The following TOP1 variants were observed in gnomAD, a reference collection of about 807,000 sequenced individuals.
TOP1 encodes the protein DNA topoisomerase 1.
In TOP1, 10 loss-of-function variants were observed where a neutral mutation model predicts 111.1. The ratio of observed to expected loss-of-function variants is 0.09; its 90% CI spans 0.06 to 0.15. The LOEUF (loss-of-function observed/expected upper bound fraction) is 0.15. Among genes scored for constraint, TOP1 ranks in the 10% least tolerant of loss-of-function variants. TOP1 has a pLI of 1.00. For missense variants in TOP1, 474 were observed against 926.7 expected, an observed-to-expected ratio of 0.51 and a Z score of 6.34; for synonymous variants, 271 against 302.9, an observed-to-expected ratio of 0.89 and a Z score of 1.10.
intron 8 of TOP1, among the ~76,000 whole-genome samples, chr20:41,088,464 C>T (rs1368895668): frequency 1.3e-5 from 2 of 152,106 alleles, no homozygotes; most frequent in African/African-American, 4.8e-5. Flanking sequence ...GATCACGCGA[C>T]TGCACTCCAG....
At chr20:41,062,736 T>A (rs1458852994) in intron 3 of TOP1, among the ~76,000 whole-genome samples, 1 of 152,182 alleles carries the variant, frequency 6.6e-6, no homozygotes, top group Non-Finnish European at 1.5e-5. Context: ...CTGATAGAGC[T>A]GCAAAGAGAA....
chr20:41,047,453 A>G (rs963947607), intron 2 of TOP1, among the ~76,000 whole-genome samples: 1 of 152,250 alleles, frequency 6.6e-6, no homozygotes, highest in African/African-American at 2.4e-5. Context: ...AGGCTATACC[A>G]TCTAGGTTTG....
In TOP1 at chr20:41,076,258, T is replaced by C. The variant is rs2033726337; in HGVS notation, c.243T>C (p.His81=). Residue 81 remains histidine (H), a synonymous_variant, in exon 4 of 21, where the codon CAT becomes CAC. Transcript: ENST00000361337. ...GCTCAGAAAAGCATAAAGACAAACA[T>C]AAAGACAGAGACAAGGAAAAACGAA... ...DGSSEKHKDK[H]KDRDKEKRKE... The C allele has an allele frequency of 3.1e-6, 5 of 1,607,086 alleles. No homozygotes were observed. Among genetic ancestry groups the C allele is most frequent in the East Asian group, 2.2e-5 (1 of 44,784 alleles).
rs1269191397 is a variant in TOP1 at position 41,098,020 on chromosome 20, TAGTA to T, written c.853-190_853-187del. 4.6e-5 allele frequency among the ~76,000 whole-genome samples: 7 copies of T among 152,242 alleles called. No individual in the cohort carries two copies. Among genetic ancestry groups the T allele is most frequent in the Admixed American group, 6.5e-5 (1 of 15,282 alleles). On this transcript the variant is annotated intron_variant, in intron 10 of 20. Coordinates refer to ENST00000361337, the MANE Select transcript of TOP1 (RefSeq NM_003286.4). This position sits in a 1 kb window ranked among gnomAD's most constrained non-coding sequence, Gnocchi z 5.7. ...AAGTCATTTTAAAACATTTTAATAT[TAGTA>T]AGTACATATTTTATAATAAAGTAAT...
intron 3 of TOP1, among the ~76,000 whole-genome samples, chr20:41,062,306 C>A (rs139684860): frequency 3.5e-4 from 54 of 152,298 alleles, no homozygotes; most frequent in African/African-American, 1.2e-3. Flanking sequence ...CTTAGAACTT[C>A]TTTATTAACT....
intron 2 of TOP1, among the ~76,000 whole-genome samples, chr20:41,031,896 C>G (rs1457662320): frequency 2.0e-5 from 3 of 152,142 alleles, no homozygotes; most frequent in Non-Finnish European, 4.4e-5. Context: ...TCTAAACATG[C>G]TTTTTGAAGA....
chr20:41,074,190 T>G (rs1279278965), intron 3 of TOP1, among the ~76,000 whole-genome samples: 1 of 152,212 alleles, frequency 6.6e-6, no homozygotes, highest in African/African-American at 2.4e-5. Context: ...AAGACTTTTT[T>G]TTTTTTAAAC....
chr20:41,089,110 C>T (rs2033886677), intron 8 of TOP1, among the ~76,000 whole-genome samples: 2 of 143,528 alleles, frequency 1.4e-5, no homozygotes, highest in Admixed American at 7.4e-5. Flanking sequence ...CTGCAACCTT[C>T]GCCTCCTGGG....
intron 2 of TOP1, among the ~76,000 whole-genome samples, chr20:41,052,431 T>G (rs1340927538): frequency 1.3e-5 from 2 of 152,222 alleles, no homozygotes; most frequent in African/African-American, 4.8e-5. Context: ...CTATGGAGAA[T>G]GAACTTTTTA....
intron 8 of TOP1, among the ~76,000 whole-genome samples, chr20:41,089,056 G>C (rs1299238516): frequency 7.7e-5 from 6 of 77,700 alleles, no homozygotes; most frequent in African/African-American, 3.8e-4. Context: ...ACAGAGTCTC[G>C]CTCTGTCGCC....
chr20:41,037,412 A>G (rs1386891945), intron 2 of TOP1, among the ~76,000 whole-genome samples: 1 of 152,162 alleles, frequency 6.6e-6, no homozygotes, highest in East Asian at 1.9e-4. Context: ...TTCTCCCCCA[A>G]AACGTTTTTA....
At position 41,081,195 on chromosome 20, in the gene TOP1, A is replaced by G; in HGVS notation, c.462A>G (p.Thr154=). 1 of 1,601,124 alleles carries G rather than the reference A, an allele frequency of 6.2e-7. No homozygotes were observed. The highest frequency in any genetic ancestry group is 8.5e-7 in the Non-Finnish European group (1 of 1,170,416). The change falls in exon 7 of 21, where the codon ACA becomes ACG. Residue 154 remains threonine (T), a synonymous_variant. Coordinates refer to ENST00000361337, the MANE Select transcript of TOP1 (RefSeq NM_003286.4). ...DADYKPKKIK[T]EDTKKEKKRK... The stretch of plus-strand genomic sequence containing the variant: ...ATTATAAACCTAAGAAAATTAAAAC[A>G]GAAGATACCAAGAAGGAGAAGAAAA...
chr20:41,115,312 AT>A lies in TOP1; in HGVS notation c.1639-56del. ...TGCAAGTTTCTTTAAGTTTGGGGTT[AT>A]TTCTAAAGTTAGGATTTTTTTCAAG... On this transcript the variant is annotated intron_variant, in intron 15 of 20. Coordinates refer to ENST00000361337, the MANE Select transcript of TOP1 (RefSeq NM_003286.4). The surrounding 1 kb of genome is among the most constrained non-coding windows in gnomAD (Gnocchi z 6.3). 3 of 1,241,900 alleles carry A rather than the reference AT, an allele frequency of 2.4e-6. No homozygotes were observed. Among genetic ancestry groups the A allele is most frequent in the Non-Finnish European group, 3.5e-6 (3 of 854,280 alleles). 76.9% of individuals were successfully genotyped at this position (1,241,900 alleles called of 1,614,324 possible).
chr20:41,050,120 G>GC (rs1740598206), intron 2 of TOP1, among the ~76,000 whole-genome samples: 1 of 152,196 alleles, frequency 6.6e-6, no homozygotes, highest in South Asian at 2.1e-4. Context: ...GGGTTCAAGT[G>GC]ATTCTCCTGC....
intron 2 of TOP1, among the ~76,000 whole-genome samples, chr20:41,055,529 T>C (rs895497572): frequency 6.6e-6 from 1 of 152,246 alleles, no homozygotes; most frequent in African/African-American, 2.4e-5. Context: ...GATGTCCCAC[T>C]GTTACCTTAG....
chr20:41,056,510 A>G (rs1214391943), intron 2 of TOP1, among the ~76,000 whole-genome samples: 1 of 152,172 alleles, frequency 6.6e-6, no homozygotes, highest in Non-Finnish European at 1.5e-5. Context: ...TTTTAGAGAG[A>G]GGGTCTTGCT....
intron 8 of TOP1, among the ~76,000 whole-genome samples, chr20:41,085,456 A>G (rs2033836760): frequency 1.3e-5 from 2 of 152,184 alleles, no homozygotes; most frequent in African/African-American, 4.8e-5. Context: ...TTAGGTGGAG[A>G]ACTTTTCTAC....
chr20:41,052,830 A>G (rs1429184567), intron 2 of TOP1, among the ~76,000 whole-genome samples: 1 of 152,102 alleles, frequency 6.6e-6, no homozygotes, highest in Non-Finnish European at 1.5e-5. Flanking sequence ...ATCTCTACAA[A>G]AATACAAAAA....
intron 2 of TOP1, among the ~76,000 whole-genome samples, chr20:41,047,053 T>C (rs993226050): frequency 6.6e-6 from 1 of 152,216 alleles, no homozygotes; most frequent in African/African-American, 2.4e-5. Context: ...GAGTTGTAGG[T>C]AAGTCAGGGA....
Sources: gnomAD v4.1 joint callset for allele counts (sites outside exome capture counted in the v4.1 genomes callset) on GRCh38, gnomAD v4.1.1 for gene constraint, Gnocchi (gnomAD v3.1) non-coding constraint, MANE v1.5 for transcripts, NCBI Gene and HGNC (gene_info 2026-07-23, HGNC 2026-07-21) for gene names.